Variants in DCLK1 observed in about 807,000 individuals in gnomAD.
The protein encoded by DCLK1 is doublecortin like kinase 1.
A neutral mutation model predicts 86.2 loss-of-function variants in DCLK1; 16 were observed. The ratio of observed to expected loss-of-function variants is 0.19; its 90% CI spans 0.13 to 0.28. The LOEUF (loss-of-function observed/expected upper bound fraction) is 0.28. Ranked by LOEUF, DCLK1 falls within the 10% of genes least tolerant of loss-of-function variation. The probability of loss-of-function intolerance (pLI) is 1.00; values close to 1 mark genes in which losing one functional copy is unlikely to be tolerated. For missense variants in DCLK1, 590 were observed against 940.2 expected (o/e 0.63, Z 4.87); for synonymous variants, 369 against 370.5 (o/e 1.00, Z 0.05).
At chr13:36,035,504 G>C (rs952497486) in intron 3 of DCLK1, among the ~76,000 whole-genome samples, 1 of 152,102 alleles carries the variant, frequency 6.6e-6, no homozygotes, top group African/African-American at 2.4e-5. Flanking sequence ...TTTAAAGCTT[G>C]AATCTAATTA....
At chr13:36,073,430 G>A (rs569548201) in intron 3 of DCLK1, among the ~76,000 whole-genome samples, 4 of 152,072 alleles carry the variant, frequency 2.6e-5, no homozygotes, top group Non-Finnish European at 5.9e-5. Flanking sequence ...TAGAGATAAC[G>A]AATATGAGGT....
At chr13:35,910,927 T>C (rs1201367209) in intron 4 of DCLK1, among the ~76,000 whole-genome samples, 1 of 152,102 alleles carries the variant, frequency 6.6e-6, no homozygotes, top group Non-Finnish European at 1.5e-5. Context: ...GAGAGATTTT[T>C]TCAAATCTTA....
chr13:36,095,362 C>T (rs1056013253), intron 3 of DCLK1, among the ~76,000 whole-genome samples: 2 of 152,014 alleles, frequency 1.3e-5, no homozygotes, highest in South Asian at 2.1e-4. Flanking sequence ...TGTGTTACCA[C>T]ATCCAGCTAA....
intron 16 of DCLK1, chr13:35,788,153 T>TG: frequency 1.3e-6 from 2 of 1,517,298 alleles, no homozygotes; most frequent in Non-Finnish European, 1.8e-6. Context: ...AACTGGTTAA[T>TG]GGAGACTGCC....
In DCLK1 at chr13:35,791,652, C is replaced by T. The variant is rs78315018; in HGVS notation, c.2058+1714G>A. On this transcript the variant is annotated intron_variant, in intron 16 of 16. Transcript: ENST00000360631. Reference sequence around the variant, plus strand: ...GGAAAATTGCCCTGACGTTCCTGCCCTTAGTCATTGTAAGACTCCTAGAAT... The same window carrying T: ...GGAAAATTGCCCTGACGTTCCTGCCTTTAGTCATTGTAAGACTCCTAGAAT... Among the ~76,000 whole-genome samples, 16 of 152,186 alleles carry T rather than the reference C, an allele frequency of 1.1e-4. No individual in the cohort carries two copies. In the South Asian group the frequency reaches 2.9e-3, roughly 28 times the overall value.
At chr13:35,904,281 T>C (rs1302061588) in intron 4 of DCLK1, among the ~76,000 whole-genome samples, 1 of 152,152 alleles carries the variant, frequency 6.6e-6, no homozygotes, top group Non-Finnish European at 1.5e-5. Flanking sequence ...AGTGGCTCGA[T>C]CTTGGCCCAC....
chr13:35,901,526 A>G lies in DCLK1; in HGVS notation c.824-30186T>C, dbSNP rs544962382. Among the ~76,000 whole-genome samples the G allele has an allele frequency of 7.8e-4, 112 of 144,344 alleles. 1 individual carries two copies. Among genetic ancestry groups the G allele is most frequent in the Admixed American group, 3.7e-3 (52 of 14,172 alleles). 94.7% of individuals were successfully genotyped at this position (144,344 alleles called of 152,430 possible). Reference sequence around the variant, plus strand: ...AAAAAAAAAAAAAAAAAGACAGACTATGAGGATGTGGAGGTGGGGTGGCCT... The same window carrying G: ...AAAAAAAAAAAAAAAAAGACAGACTGTGAGGATGTGGAGGTGGGGTGGCCT... On this transcript the variant is annotated intron_variant, in intron 4 of 16. Transcript: ENST00000360631.
intron 3 of DCLK1, among the ~76,000 whole-genome samples, chr13:35,992,924 C>G (rs1294877666): frequency 6.6e-6 from 1 of 152,154 alleles, no homozygotes; most frequent in Non-Finnish European, 1.5e-5. Context: ...GATCTCCAGT[C>G]TCTAATCGAT....
intron 6 of DCLK1, among the ~76,000 whole-genome samples, chr13:35,839,640 C>T (rs1327700848): frequency 2.0e-5 from 3 of 152,146 alleles, no homozygotes; most frequent in Non-Finnish European, 2.9e-5. Context: ...TTAAATGCTC[C>T]ACCTTACCAC....
At chr13:35,803,871 C>T (rs767641318) in intron 15 of DCLK1, among the ~76,000 whole-genome samples, 2 of 152,086 alleles carry the variant, frequency 1.3e-5, no homozygotes, top group Non-Finnish European at 2.9e-5. Flanking sequence ...TATGATTCTC[C>T]ACCTCTATGA....
intron 4 of DCLK1, among the ~76,000 whole-genome samples, chr13:35,881,320 G>A (rs1480225459): frequency 6.6e-6 from 1 of 152,104 alleles, no homozygotes; most frequent in Non-Finnish European, 1.5e-5. Flanking sequence ...AACTAGAAAG[G>A]GTGAAATGTG....
intron 2 of DCLK1, among the ~76,000 whole-genome samples, chr13:36,124,122 C>G (rs530236847): frequency 1.6e-3 from 248 of 152,278 alleles, no homozygotes; most frequent in African/African-American, 5.8e-3. Flanking sequence ...CATATTTTTC[C>G]CTACAGTACT....
At chr13:35,857,265 C>G (rs969931554) in intron 5 of DCLK1, among the ~76,000 whole-genome samples, 1 of 152,006 alleles carries the variant, frequency 6.6e-6, no homozygotes, top group Non-Finnish European at 1.5e-5. Context: ...TCAAACTGAC[C>G]CTTTGCTCAT....
chr13:36,054,770 G>C (rs2182444), intron 3 of DCLK1, among the ~76,000 whole-genome samples: 56,990 of 152,020 alleles, frequency 0.37, 10,869 homozygotes, highest in South Asian at 0.59. Context: ...GAAGCTAGGA[G>C]TGTGTATCTT....
chr13:35,794,694 T>C (rs2086771640), intron 15 of DCLK1, among the ~76,000 whole-genome samples: 1 of 152,220 alleles, frequency 6.6e-6, no homozygotes, highest in African/African-American at 2.4e-5. Context: ...TTTCTTTTCT[T>C]CGTAACTTGG....
chr13:36,106,778 A>G (rs1163661310), intron 3 of DCLK1, among the ~76,000 whole-genome samples: 1 of 152,098 alleles, frequency 6.6e-6, no homozygotes, highest in Non-Finnish European at 1.5e-5. Context: ...TTGTCTGGAA[A>G]CCTCTAGTTT....
intron 15 of DCLK1, 85 bp downstream of exon 15, chr13:35,805,614 A>G (rs2087010723): frequency 7.4e-7 from 1 of 1,358,952 alleles, no homozygotes; most frequent in Non-Finnish European, 1.0e-6. Context: ...CACTTTCAAA[A>G]GGAGGCAATA....
Position 36,125,748 on chromosome 13 carries a change from C to G in DCLK1, c.376+14G>C. On this transcript the variant is annotated intron_variant, in intron 2 of 16. Coordinates refer to ENST00000360631, the MANE Select transcript of DCLK1 (RefSeq NM_001330071.2). ...ACCTGTAGGGTCACGTGGGGGTTATCTCACAGCGCTCACCTTCCACCAGTT... is the reference window on the plus strand; with the variant it reads ...ACCTGTAGGGTCACGTGGGGGTTATGTCACAGCGCTCACCTTCCACCAGTT... 6.2e-7 allele frequency: 1 copy of G among 1,605,456 alleles called. No individual in the cohort carries two copies. Among genetic ancestry groups the G allele is most frequent in the Non-Finnish European group, 8.5e-7 (1 of 1,174,824 alleles).
chr13:36,127,971 T>C (rs1886247723), intron 1 of DCLK1, among the ~76,000 whole-genome samples: 1 of 152,082 alleles, frequency 6.6e-6, no homozygotes, highest in African/African-American at 2.4e-5. Flanking sequence ...AATGGAAAAT[T>C]TGGAGCAAGA....
Sources: gnomAD v4.1 joint callset for allele counts (sites outside exome capture counted in the v4.1 genomes callset) on GRCh38, gnomAD v4.1.1 for gene constraint, MANE v1.5 for transcripts, NCBI Gene and HGNC (gene_info 2026-07-23, HGNC 2026-07-21) for gene names.